SH2D3C: variants seen among roughly 807,000 people sequenced by gnomAD.
SH2D3C encodes the protein SH2 domain-containing protein 3C.
SH2D3C carries 25 observed loss-of-function variants against 75.2 expected under a neutral mutation model. The observed-to-expected ratio is 0.33, with a 90% CI of 0.24 to 0.46. The LOEUF (loss-of-function observed/expected upper bound fraction) is 0.46, where lower values mean the gene tolerates loss of function less well. SH2D3C is among the 20% of genes least tolerant of loss of function. SH2D3C has a pLI of 1.00. For synonymous variants in SH2D3C, 450 were observed against 473.7 expected (o/e 0.95, Z 0.65); for missense variants, 933 against 1,165.3 (o/e 0.80, Z 2.90).
Position 127,761,606 on chromosome 9 carries a change from C to T in SH2D3C, c.555+5G>A. 1 of 1,610,274 alleles carries T rather than the reference C, an allele frequency of 6.2e-7. No individual in the cohort carries two copies. The highest frequency in any genetic ancestry group is 8.5e-7 in the Non-Finnish European group (1 of 1,177,454). On this transcript the variant is annotated splice_donor_5th_base_variant and intron_variant, in intron 3 of 11. Coordinates refer to ENST00000314830, the MANE Select transcript of SH2D3C (RefSeq NM_170600.3). ...TCTGACCAACCCCTGGCCAGCCCCT[C>T]CTACCTTCACATAGTCGCTGCCAGC...
intron 10 of SH2D3C, 149 bp downstream of exon 10, chr9:127,740,109 G>C (rs932022788): frequency 1.3e-6 from 1 of 767,590 alleles, no homozygotes; most frequent in African/African-American, 1.8e-5. Flanking sequence ...GACATGAACA[G>C]GGCTGACACA....
At chr9:127,759,138 G>A (rs568804807) in intron 3 of SH2D3C, among the ~76,000 whole-genome samples, 22 of 152,322 alleles carry the variant, frequency 1.4e-4, no homozygotes, top group Admixed American at 9.8e-4. Flanking sequence ...CAAATCCAGT[G>A]GCAAGTAAGT....
At chr9:127,777,930 A>C (rs1829055524) in intron 1 of SH2D3C, among the ~76,000 whole-genome samples, 1 of 151,810 alleles carries the variant, frequency 6.6e-6, no homozygotes, top group Non-Finnish European at 1.5e-5. Context: ...CTGGGCAACA[A>C]AGTGAGAACC....
At chr9:127,757,401 G>A (rs1845412012) in intron 3 of SH2D3C, among the ~76,000 whole-genome samples, 1 of 150,788 alleles carries the variant, frequency 6.6e-6, no homozygotes. Context: ...CTCCCGAGTA[G>A]CTGGGACTAC....
In SH2D3C at chr9:127,773,894, A is replaced by G. The variant is rs574256277; in HGVS notation, c.515+96T>C. The G allele has an allele frequency of 5.8e-5, 42 of 728,116 alleles. 1 individual carries two copies. Among genetic ancestry groups the G allele is most frequent in the South Asian group, 3.8e-4 (20 of 53,114 alleles). The allele number at this position is 728,116 out of a possible 1,614,324, so 45.1% of individuals were successfully genotyped here. On this transcript the variant is annotated intron_variant, in intron 2 of 11. Coordinates refer to ENST00000314830, the MANE Select transcript of SH2D3C (RefSeq NM_170600.3). ...GATCACACCACTGCACTCCAGCCTG[A>G]GAGACAGAGCGACACTCTGTGTCAA...
At position 127,745,103 on chromosome 9, in the gene SH2D3C, C is replaced by T. The variant is rs1277217869; in HGVS notation, c.1265-4G>A. 1 of 1,496,992 alleles carries T rather than the reference C, an allele frequency of 6.7e-7. No individual in the cohort carries two copies. The highest frequency in any genetic ancestry group is 1.4e-5 in the African/African-American group (1 of 71,538). The allele number at this position is 1,496,992 out of a possible 1,614,324, so 92.7% of individuals were successfully genotyped here. ...GGGGCGGCATGGACACGGGTTACTG[C>T]AGAAAGGTAGAGAGAGAGGCCCCGT... is the stretch of plus-strand genomic sequence containing the variant. On this transcript the variant is annotated splice_polypyrimidine_tract_variant and splice_region_variant and intron_variant, in intron 6 of 11. Transcript: ENST00000314830.
Position 127,774,288 on chromosome 9 carries a change from T to C in SH2D3C, c.217A>G (p.Met73Val). ...SPPAYARSSD[M>V]YSHMGTMPRP... ...GGCATGGTGCCCATGTGGCTGTACA[T>C]GTCACTGGAGCGGGCATAGGCTGGG... Residue 73 changes from methionine (M) to valine (V), a missense_variant, in exon 2 of 12, where the codon ATG becomes GTG. Transcript: ENST00000314830. The surrounding 1 kb of genome is among the most constrained non-coding windows in gnomAD (Gnocchi z 4.3). 1 of 1,614,098 alleles carries C rather than the reference T, an allele frequency of 6.2e-7. No homozygotes were observed. Among genetic ancestry groups the C allele is most frequent in the Non-Finnish European group, 8.5e-7 (1 of 1,180,018 alleles).
chr9:127,746,234 G>A (rs1312260502), intron 6 of SH2D3C, among the ~76,000 whole-genome samples: 1 of 152,192 alleles, frequency 6.6e-6, no homozygotes, highest in African/African-American at 2.4e-5. Flanking sequence ...GTTTAGGGAA[G>A]GATTTGTGAC....
Position 127,778,638 on chromosome 9 carries a change from T to C in SH2D3C, c.-11A>G, listed in dbSNP as rs1379629976. 1 of 1,613,488 alleles carries C rather than the reference T, an allele frequency of 6.2e-7. No homozygotes were observed. The highest frequency in any genetic ancestry group is 1.1e-5 in the South Asian group (1 of 91,070). On this transcript the variant is annotated 5_prime_UTR_variant, in exon 1 of 12. Transcript: ENST00000314830. ...GGTCCCCTCTGTCATCTTGGCAAAT[T>C]GTGTGAAGCCCTTGGCCAGCTTGCG...
At chr9:127,773,134 T>C (rs1004872104) in intron 2 of SH2D3C, among the ~76,000 whole-genome samples, 1 of 151,876 alleles carries the variant, frequency 6.6e-6, no homozygotes, top group Non-Finnish European at 1.5e-5. Flanking sequence ...TTCTATGGAG[T>C]TTTCAGTGAG....
At chr9:127,771,802 A>T (rs1845744309) in intron 2 of SH2D3C, among the ~76,000 whole-genome samples, 1 of 152,354 alleles carries the variant, frequency 6.6e-6, no homozygotes, top group South Asian at 2.1e-4. Flanking sequence ...CGAATGTAGG[A>T]GGGGATGACA....
chr9:127,774,422 C>T lies in SH2D3C; in HGVS notation c.83G>A (p.Arg28Gln), dbSNP rs996412194. Residue 28 changes from arginine to glutamine, a missense_variant, in exon 2 of 12, where the codon CGG becomes CAG. Transcript: ENST00000314830. The surrounding 1 kb of genome is among the most constrained non-coding windows in gnomAD (Gnocchi z 4.3). The stretch of plus-strand genomic sequence containing the variant: ...TGAGGATCGTCTCAGAGTGAAGGAC[C>T]GAGGGAGGTTGGAGAGACTCCCAAA... ...KGFGSLSNLPRSFTLRRSSAS... is the reference protein window; with the variant it reads ...KGFGSLSNLPQSFTLRRSSAS... 3.1e-6 allele frequency: 5 copies of T among 1,612,318 alleles called. No homozygotes were observed. The highest frequency in any genetic ancestry group is 1.7e-5 in the Admixed American group (1 of 59,968).
chr9:127,753,741 AG>A lies in SH2D3C; in HGVS notation c.556-2442del, dbSNP rs1845271062. Among the ~76,000 whole-genome samples the A allele has an allele frequency of 2.0e-5, 3 of 152,322 alleles. No homozygotes were observed. The South Asian group carries it at 6.2e-4, about 32-fold the overall frequency. ...CTGGAAAGGGGAGAGTGGGCGTCAC[AG>A]GGAAAAAGGGAACCAAGACCTCAGC... On this transcript the variant is annotated intron_variant, in intron 3 of 11. Coordinates refer to ENST00000314830, the MANE Select transcript of SH2D3C (RefSeq NM_170600.3).
At chr9:127,769,311 C>T (rs1447971164) in intron 2 of SH2D3C, among the ~76,000 whole-genome samples, 1 of 152,210 alleles carries the variant, frequency 6.6e-6, no homozygotes, top group Non-Finnish European at 1.5e-5. Context: ...AAAATGGGCT[C>T]CTTTCCAGAG....
chr9:127,740,916 T>A (rs1463825822), intron 9 of SH2D3C, among the ~76,000 whole-genome samples: 1 of 152,116 alleles, frequency 6.6e-6, no homozygotes, highest in Non-Finnish European at 1.5e-5. Context: ...CTCCTGACCT[T>A]GTGCTCCACC....
Position 127,751,044 on chromosome 9 carries a change from A to C in SH2D3C, c.684+128T>G. The stretch of plus-strand genomic sequence containing the variant: ...AAAGGGCAGAGCTAGACCTCATCCC[A>C]GTCCATTCTGATTGAATCCACCAAG... On this transcript the variant is annotated intron_variant, in intron 4 of 11. Transcript: ENST00000314830. This position sits in a 1 kb window ranked among gnomAD's most constrained non-coding sequence, Gnocchi z 4.1. The C allele has an allele frequency of 1.2e-6, 1 of 858,304 alleles. No individual in the cohort carries two copies. Among genetic ancestry groups the C allele is most frequent in the South Asian group, 1.6e-5 (1 of 63,322 alleles). The allele number at this position is 858,304 out of a possible 1,614,324, so 53.2% of individuals were successfully genotyped here.
chr9:127,743,217 G>A (rs575810711), intron 7 of SH2D3C, among the ~76,000 whole-genome samples: 1 of 152,222 alleles, frequency 6.6e-6, no homozygotes, highest in Admixed American at 6.5e-5. Flanking sequence ...ATTCAGTTAC[G>A]GTCGGCCGGG....
intron 2 of SH2D3C, 142 bp downstream of exon 2, chr9:127,773,848 G>C: frequency 1.7e-6 from 1 of 593,028 alleles, no homozygotes. Context: ...GACCCGGGAG[G>C]CAGAGGTTGC....
At chr9:127,762,606 G>A (rs1303313869) in intron 2 of SH2D3C, among the ~76,000 whole-genome samples, 7 of 152,144 alleles carry the variant, frequency 4.6e-5, no homozygotes, top group East Asian at 3.9e-4. Context: ...CTGCCGCTCC[G>A]CCGTCAGAAT....
Sources: gnomAD v4.1 joint callset for allele counts (sites outside exome capture counted in the v4.1 genomes callset) on GRCh38, gnomAD v4.1.1 for gene constraint, Gnocchi (gnomAD v3.1) non-coding constraint, MANE v1.5 for transcripts, NCBI Gene and HGNC (gene_info 2026-07-23, HGNC 2026-07-21) for gene names.